Variants in RPTOR observed in about 807,000 individuals in gnomAD.
RPTOR encodes regulatory-associated protein of mTOR.
In RPTOR, 21 loss-of-function variants were observed where a neutral mutation model predicts 169.9. The observed-to-expected ratio is 0.12, with a 90% CI of 0.09 to 0.18. The LOEUF is 0.18. RPTOR is among the 10% of genes least tolerant of loss of function. RPTOR has a pLI of 1.00. For synonymous variants in RPTOR, 732 were observed against 753.2 expected (o/e 0.97, Z 0.46); for missense variants, 1,133 against 1,855.9 (o/e 0.61, Z 7.16).
chr17:80,896,409 A>G (rs370629554), intron 20 of RPTOR, among the ~76,000 whole-genome samples: 355 of 21,480 alleles, frequency 0.017, 14 homozygotes, highest in African/African-American at 0.037. Flanking sequence ...CGGCCGCAGC[A>G]ACACCCCACA....
At position 80,683,968 on chromosome 17, in the gene RPTOR, C is replaced by T. The variant is rs552719813; in HGVS notation, c.349-23873C>T. 5.9e-5 allele frequency among the ~76,000 whole-genome samples: 9 copies of T among 152,330 alleles called. No homozygotes were observed. In the South Asian group the frequency reaches 8.3e-4, roughly 14 times the overall value. On this transcript the variant is annotated intron_variant, in intron 3 of 33. Transcript: ENST00000306801. Reference sequence around the variant, plus strand: ...ATTGACTCCCTCATCCTCAACATGCCGCTCAGTTGCCTGGTGCCACAATAC... The same window carrying T: ...ATTGACTCCCTCATCCTCAACATGCTGCTCAGTTGCCTGGTGCCACAATAC...
Position 80,959,488 on chromosome 17 carries a change from C to T in RPTOR, c.3478-590C>T, listed in dbSNP as rs1435510042. Among the ~76,000 whole-genome samples the T allele has an allele frequency of 3.3e-5, 5 of 152,290 alleles. No homozygotes were observed. The highest frequency in any genetic ancestry group is 2.1e-4 in the South Asian group (1 of 4,826). The stretch of plus-strand genomic sequence containing the variant: ...CCTCCTGGAGTGCACAACCCAGCAC[C>T]GCCCATCGTGCGTGGAAAGCGCTCT... On this transcript the variant is annotated intron_variant, in intron 29 of 33. Coordinates refer to ENST00000306801, the MANE Select transcript of RPTOR (RefSeq NM_020761.3). This position sits in a 1 kb window ranked among gnomAD's most constrained non-coding sequence, Gnocchi z 6.7.
Position 80,684,377 on chromosome 17 carries a change from C to CT in RPTOR, c.349-23454dup, listed in dbSNP as rs34731683. Among the ~76,000 whole-genome samples, 138 of 146,686 alleles carry CT rather than the reference C, an allele frequency of 9.4e-4. 2 individuals carry two copies. The highest frequency in any genetic ancestry group is 7.8e-3 in the South Asian group (35 of 4,484). ...TTACTTTCAGGCATATCTTGTCTTT[C>CT]TTTTTTTTTTAAATAAGGAGATACA... On this transcript the variant is annotated intron_variant, in intron 3 of 33. Coordinates refer to ENST00000306801, the MANE Select transcript of RPTOR (RefSeq NM_020761.3).
intron 9 of RPTOR, among the ~76,000 whole-genome samples, chr17:80,837,351 G>C (rs991349072): frequency 3.7e-4 from 57 of 152,256 alleles, no homozygotes; most frequent in Admixed American, 3.5e-3. Context: ...GGAGCAGCAG[G>C]GGGGAGGCAA....
At position 80,961,475 on chromosome 17, in the gene RPTOR, T is replaced by C. The variant is rs144649038; in HGVS notation, c.3687T>C (p.Ser1229=). ...AGCGTCCCGACGGCCACATCGTGAG[T>C]GTGAGGTGAGGAGCGCCGATATTTA... ...LQKRPDGHIV[S]VSVNGDVRIF... is the part of the protein sequence containing the mutation. Residue 1229 remains serine, a synonymous_variant, in exon 31 of 34, where the codon AGT becomes AGC. Coordinates refer to ENST00000306801, the MANE Select transcript of RPTOR (RefSeq NM_020761.3). 1.7e-3 allele frequency: 2,591 copies of C among 1,550,170 alleles called. 21 individuals are homozygous for C. The highest frequency in any genetic ancestry group is 6.6e-3 in the Middle Eastern group (34 of 5,128).
intron 13 of RPTOR, among the ~76,000 whole-genome samples, chr17:80,872,048 C>G (rs1757342778): frequency 6.6e-6 from 1 of 152,130 alleles, no homozygotes; most frequent in South Asian, 2.1e-4. Flanking sequence ...CTTGATGGTC[C>G]ATGGAATTTC....
intron 3 of RPTOR, among the ~76,000 whole-genome samples, chr17:80,656,783 G>T (rs1040495666): frequency 2.6e-5 from 4 of 152,200 alleles, no homozygotes; most frequent in African/African-American, 9.7e-5. Context: ...TGGGGCCCAC[G>T]TGAGTGCTCA....
At chr17:80,875,103 T>C (rs116284014) in intron 13 of RPTOR, among the ~76,000 whole-genome samples, 364 of 152,344 alleles carry the variant, frequency 2.4e-3, no homozygotes, top group African/African-American at 8.4e-3. Flanking sequence ...GCGTAATTCT[T>C]GTGTTCCTGC....
intron 3 of RPTOR, among the ~76,000 whole-genome samples, chr17:80,652,203 G>T (rs1249550165): frequency 6.6e-6 from 1 of 151,898 alleles, no homozygotes; most frequent in African/African-American, 2.4e-5. Flanking sequence ...AACTCAATTG[G>T]CTTTTAACAT....
intron 1 of RPTOR, among the ~76,000 whole-genome samples, chr17:80,599,303 A>G (rs2143441443): frequency 6.6e-6 from 1 of 151,704 alleles, no homozygotes; most frequent in African/African-American, 2.4e-5. Flanking sequence ...TCACCCCCAG[A>G]CTTAAGTCTT....
chr17:80,754,457 T>C lies in RPTOR; in HGVS notation c.830+272T>C, dbSNP rs1219244877. Among the ~76,000 whole-genome samples the C allele has an allele frequency of 2.6e-5, 4 of 152,246 alleles. No individual in the cohort carries two copies. Among genetic ancestry groups the C allele is most frequent in the Non-Finnish European group, 5.9e-5 (4 of 68,040 alleles). On this transcript the variant is annotated intron_variant, in intron 6 of 33. Coordinates refer to ENST00000306801, the MANE Select transcript of RPTOR (RefSeq NM_020761.3). The surrounding 1 kb of genome is among the most constrained non-coding windows in gnomAD (Gnocchi z 4.2). ...ACACCCTCTCCTTACCTTTGTTCAC[T>C]GCGGAGGCGTCTTAGTACCAGGATA...
At chr17:80,628,453 T>G (rs1019755080) in intron 2 of RPTOR, among the ~76,000 whole-genome samples, 88 of 152,348 alleles carry the variant, frequency 5.8e-4, no homozygotes, top group African/African-American at 2.1e-3. Flanking sequence ...TAGCACTGTC[T>G]TTTAAAACAG....
intron 21 of RPTOR, among the ~76,000 whole-genome samples, chr17:80,916,859 A>G (rs1226886856): frequency 6.6e-6 from 1 of 151,806 alleles, no homozygotes; most frequent in Non-Finnish European, 1.5e-5. Flanking sequence ...GTGGTGATGC[A>G]CTCTTGTAGT....
intron 3 of RPTOR, among the ~76,000 whole-genome samples, chr17:80,704,486 A>G (rs1371035248): frequency 6.6e-6 from 1 of 152,242 alleles, no homozygotes; most frequent in African/African-American, 2.4e-5. Context: ...AATCTCAGAT[A>G]GCAAAGCAGA....
At chr17:80,668,222 C>T (rs2065795549) in intron 3 of RPTOR, among the ~76,000 whole-genome samples, 1 of 152,182 alleles carries the variant, frequency 6.6e-6, no homozygotes, top group Admixed American at 6.5e-5. Context: ...TTGGGTTCAA[C>T]TTGTCAAGGA....
chr17:80,841,622 G>A (rs79368579), intron 10 of RPTOR, among the ~76,000 whole-genome samples: 7,445 of 106,526 alleles, frequency 0.07, 523 homozygotes, highest in Non-Finnish European at 0.082. Context: ...CACTCTCACC[G>A]CAGGGCAGCT....
intron 1 of RPTOR, among the ~76,000 whole-genome samples, chr17:80,547,586 G>C (rs1282013662): frequency 6.6e-6 from 1 of 152,104 alleles, no homozygotes; most frequent in Non-Finnish European, 1.5e-5. Context: ...TCTGTTTTTC[G>C]GTGGAGAAAA....
chr17:80,607,964 A>T (rs1045425223), intron 1 of RPTOR, among the ~76,000 whole-genome samples: 3 of 152,252 alleles, frequency 2.0e-5, no homozygotes, highest in African/African-American at 7.2e-5. Flanking sequence ...ATACAAATTC[A>T]GTCCAACTAC....
chr17:80,663,900 G>A (rs560386415), intron 3 of RPTOR, among the ~76,000 whole-genome samples: 5 of 152,210 alleles, frequency 3.3e-5, no homozygotes, highest in East Asian at 1.9e-4. Context: ...AGCATCCTCC[G>A]CTGGGTGTTT....
Sources: allele counts gnomAD v4.1 joint callset (sites outside exome capture counted in the v4.1 genomes callset), GRCh38; gene constraint gnomAD v4.1.1; non-coding constraint Gnocchi (gnomAD v3.1); transcripts MANE v1.5; gene names NCBI Gene and HGNC (gene_info 2026-07-23, HGNC 2026-07-21).